Variants in GRB10 observed in about 807,000 individuals in gnomAD.
The protein encoded by GRB10 is growth factor receptor-bound protein 10.
A neutral mutation model predicts 80.9 loss-of-function variants in GRB10; 20 were observed. The ratio of observed to expected loss-of-function variants is 0.25; its 90% CI spans 0.17 to 0.36. The LOEUF (loss-of-function observed/expected upper bound fraction) is 0.36. Among genes scored for constraint, GRB10 ranks in the 10% least tolerant of loss-of-function variants. GRB10 has a pLI of 1.00. For synonymous variants in GRB10, 291 were observed against 291.5 expected, an observed-to-expected ratio of 1.00 and a Z score of 0.02; for missense variants, 548 against 747.7, an observed-to-expected ratio of 0.73 and a Z score of 3.12.
chr7:50,703,622 T>C (rs546073130), intron 5 of GRB10, among the ~76,000 whole-genome samples, 199 bp downstream of exon 5: 84 of 152,380 alleles, frequency 5.5e-4, no homozygotes, highest in African/African-American at 1.9e-3. Context: ...TGAAGTTTGC[T>C]AATTGAAAGG....
chr7:50,705,133 C>T, intron 4 of GRB10: 2 of 985,378 alleles, frequency 2.0e-6, no homozygotes, highest in Non-Finnish European at 2.4e-6. Flanking sequence ...GCTGCGTGCA[C>T]ACTGACCTGG....
chr7:50,619,250 C>G lies in GRB10; in HGVS notation c.697G>C (p.Val233Leu), dbSNP rs1055105812. 1.9e-6 allele frequency: 3 copies of G among 1,613,256 alleles called. No homozygotes were observed. Among genetic ancestry groups the G allele is most frequent in the Non-Finnish European group, 2.5e-6 (3 of 1,179,614 alleles). The change falls in exon 9 of 19, where the codon GTG becomes CTG. Residue 233 changes from valine (V) to leucine (L), a missense_variant. By Grantham distance (32) the Val-to-Leu change is conservative. Around this residue, in one of 4 missense-constraint regions of GRB10, gnomAD observed 270 missense variants for 433.6 expected, o/e 0.62. Transcript: ENST00000401949. ...CTCTCACTGGCCATGGTACTCTCCA[C>G]CTGGACCACCAGCTCATGGTCTTCC... is the stretch of plus-strand genomic sequence containing the variant. Reference protein sequence around the residue: ...CLEDHELVVQVESTMASESKF... With the variant: ...CLEDHELVVQLESTMASESKF...
At chr7:50,631,222 C>T (rs574687444) in intron 7 of GRB10, among the ~76,000 whole-genome samples, 250 of 152,298 alleles carry the variant, frequency 1.6e-3, no homozygotes, top group Non-Finnish European at 3.2e-3. Flanking sequence ...CAAAAGACCT[C>T]CTGACTGGCT....
chr7:50,752,587 G>C (rs575003909), intron 3 of GRB10, among the ~76,000 whole-genome samples: 1 of 152,312 alleles, frequency 6.6e-6, no homozygotes, highest in South Asian at 2.1e-4. Context: ...CGCTAAGGTA[G>C]ATTGGTGTCA....
chr7:50,739,219 T>G (rs1007227536), intron 3 of GRB10, among the ~76,000 whole-genome samples: 6 of 152,166 alleles, frequency 3.9e-5, no homozygotes, highest in Non-Finnish European at 8.8e-5. Context: ...TTGTACTAGT[T>G]AAATTAAAAT....
intron 17 of GRB10, among the ~76,000 whole-genome samples, chr7:50,597,940 T>G (rs1465945920): frequency 6.6e-6 from 1 of 152,188 alleles, no homozygotes; most frequent in Non-Finnish European, 1.5e-5. Context: ...CTCAGATCAC[T>G]GCAACCTCCG....
intron 5 of GRB10, among the ~76,000 whole-genome samples, chr7:50,695,732 T>G (rs2063347913): frequency 6.6e-6 from 1 of 152,188 alleles, no homozygotes; most frequent in African/African-American, 2.4e-5. Context: ...CTGCTATAGG[T>G]TTAGATAATA....
At position 50,700,031 on chromosome 7, in the gene GRB10, C is replaced by T. The variant is rs562182789; in HGVS notation, c.139+3790G>A. Among the ~76,000 whole-genome samples the T allele has an allele frequency of 5.9e-5, 9 of 151,834 alleles. No individual in the cohort carries two copies. In the East Asian group the frequency reaches 1.4e-3, roughly 23 times the overall value. On this transcript the variant is annotated intron_variant, in intron 5 of 18. Transcript: ENST00000401949. ...GCGGGCACCTGTAGTCCCAGCTACT[C>T]GGGAGGCTGAGGCAGGAGAATGGCA...
chr7:50,733,010 C>T (rs1587640841), intron 3 of GRB10, among the ~76,000 whole-genome samples: 3 of 152,200 alleles, frequency 2.0e-5, no homozygotes, highest in East Asian at 3.8e-4. Context: ...GAACTGTATC[C>T]TCCCAAAGTT....
intron 2 of GRB10, among the ~76,000 whole-genome samples, chr7:50,759,207 AAAG>A (rs1391657945): frequency 6.6e-6 from 1 of 151,616 alleles, no homozygotes; most frequent in Non-Finnish European, 1.5e-5. Flanking sequence ...AAAAAAAAAA[AAAG>A]AAAAGAAATG....
chr7:50,761,308 A>G (rs1267854480), intron 2 of GRB10, among the ~76,000 whole-genome samples: 1 of 152,238 alleles, frequency 6.6e-6, no homozygotes, highest in Non-Finnish European at 1.5e-5. Context: ...GTTTCTCTTC[A>G]TTTTGATTCT....
At chr7:50,664,563 C>A (rs1030142199) in intron 7 of GRB10, among the ~76,000 whole-genome samples, 2 of 152,206 alleles carry the variant, frequency 1.3e-5, no homozygotes, top group Non-Finnish European at 2.9e-5. Context: ...TTCTGTGGTG[C>A]CCCTCCCTCC....
chr7:50,787,155 A>G (rs891167057), upstream of GRB10, among the ~76,000 whole-genome samples: 4 of 152,208 alleles, frequency 2.6e-5, no homozygotes, highest in Admixed American at 6.5e-5. Context: ...GGACCAGAAG[A>G]GACGATGAAG....
At chr7:50,783,234 C>A (rs2078494658), upstream of GRB10, among the ~76,000 whole-genome samples, 1 of 152,226 alleles carries the variant, frequency 6.6e-6, no homozygotes, top group African/African-American at 2.4e-5. Flanking sequence ...TCTCGTCTCA[C>A]CCTTCTCCCC....
chr7:50,699,387 A>T (rs2153664708), intron 5 of GRB10, among the ~76,000 whole-genome samples: 1 of 152,348 alleles, frequency 6.6e-6, no homozygotes, highest in South Asian at 2.1e-4. Flanking sequence ...GTAGGTTTTT[A>T]ACAAATGAAT....
chr7:50,707,118 C>T lies in GRB10; in HGVS notation c.52-3210G>A, dbSNP rs183683441. On this transcript the variant is annotated intron_variant, in intron 4 of 18. Coordinates refer to ENST00000401949, the MANE Select transcript of GRB10 (RefSeq NM_001350814.2). ...TTATCTTTTTGGCTCATCATTTAAC[C>T]GTGAAAATGATTTGCAGCTTCTATC... 3.0e-4 allele frequency among the ~76,000 whole-genome samples: 45 copies of T among 152,228 alleles called. No homozygotes were observed. The East Asian group carries it at 3.5e-3, about 12-fold the overall frequency.
At chr7:50,705,232 CAGCAGG>C (rs778737842) in intron 4 of GRB10, 322 of 985,782 alleles carry the variant, frequency 3.3e-4, no homozygotes, top group Non-Finnish European at 3.7e-4. Flanking sequence ...GGACAGACTC[CAGCAGG>C]GTCAGCTCAC....
chr7:50,596,891 C>T (rs780740481), intron 17 of GRB10, among the ~76,000 whole-genome samples: 1 of 152,120 alleles, frequency 6.6e-6, no homozygotes, highest in Non-Finnish European at 1.5e-5. Context: ...ATTGCTCTTA[C>T]ATGAGAAAAT....
At position 50,656,521 on chromosome 7, in the gene GRB10, C is replaced by T. The variant is rs547250242; in HGVS notation, c.504+13201G>A. On this transcript the variant is annotated intron_variant, in intron 7 of 18. Coordinates refer to ENST00000401949, the MANE Select transcript of GRB10 (RefSeq NM_001350814.2). ...TCACTGCAGGGCCACACAGGCCTGA[C>T]TTGTCATAAAATTACTATACACCCA... Among the ~76,000 whole-genome samples the T allele has an allele frequency of 4.6e-5, 7 of 152,348 alleles. No individual in the cohort carries two copies. In the East Asian group the frequency reaches 1.4e-3, roughly 29 times the overall value.
Sources: gnomAD v4.1 joint callset for allele counts (sites outside exome capture counted in the v4.1 genomes callset) on GRCh38, gnomAD v4.1.1 for gene constraint, gnomAD v4.1.1 regional missense constraint, MANE v1.5 for transcripts, NCBI Gene and HGNC (gene_info 2026-07-23, HGNC 2026-07-21) for gene names.